Variants in FYB2 observed in about 807,000 individuals in gnomAD.
The protein encoded by FYB2 is FYN binding protein 2.
In FYB2, 103 loss-of-function variants were observed where a neutral mutation model predicts 94.1. The observed-to-expected ratio is 1.09, with a 90% CI of 0.93 to 1.29. The LOEUF is 1.29. Ranked by LOEUF, FYB2 falls within the 50% of genes most tolerant of loss-of-function variation. The pLI, the probability that FYB2 is intolerant of heterozygous loss-of-function variation, is 0.00. For synonymous variants in FYB2, 293 were observed against 287.9 expected, an observed-to-expected ratio of 1.02 and a Z score of -0.18; for missense variants, 896 against 841.5, an observed-to-expected ratio of 1.06 and a Z score of -0.80.
At chr1:56,775,746 T>C (rs1244141875) in intron 4 of FYB2, among the ~76,000 whole-genome samples, 1 of 152,106 alleles carries the variant, frequency 6.6e-6, no homozygotes, top group Non-Finnish European at 1.5e-5. Flanking sequence ...CACACCGTAA[T>C]GGAAGTCATC....
rs1198584886 is a variant in FYB2, at chr1:56,741,130, C to T, written c.1605-335G>A. On this transcript the variant is annotated intron_variant, in intron 12 of 19. Coordinates refer to ENST00000343433, the MANE Select transcript of FYB2 (RefSeq NM_001004303.5). ...CTGAGTCCATAAAAAAAATAAAGAA[C>T]CAGAGGCTTTGTTTTCATGTCCAAA... Among the ~76,000 whole-genome samples, 12 of 152,080 alleles carry T rather than the reference C, an allele frequency of 7.9e-5. No individual in the cohort carries two copies. The East Asian group carries it at 1.6e-3, about 20-fold the overall frequency.
chr1:56,747,200 A>G (rs115337304), intron 9 of FYB2, among the ~76,000 whole-genome samples: 3,346 of 151,998 alleles, frequency 0.022, 127 homozygotes, highest in African/African-American at 0.077. Flanking sequence ...CGGTATATGT[A>G]AATAATGGAA....
At chr1:56,742,086 C>G in intron 12 of FYB2, 75 bp downstream of exon 12, 1 of 1,335,322 alleles carries the variant, frequency 7.5e-7, no homozygotes, top group Non-Finnish European at 1.1e-6. Context: ...GATGGTGGGT[C>G]CTCACTGAAA....
At chr1:56,729,528 T>C (rs2100526404) in intron 15 of FYB2, among the ~76,000 whole-genome samples, 1 of 152,116 alleles carries the variant, frequency 6.6e-6, no homozygotes, top group South Asian at 2.1e-4. Flanking sequence ...ATAAAGCAAA[T>C]ATTATTAGGT....
intron 9 of FYB2, among the ~76,000 whole-genome samples, chr1:56,747,578 G>A (rs1645098147): frequency 6.6e-6 from 1 of 152,016 alleles, no homozygotes; most frequent in South Asian, 2.1e-4. Flanking sequence ...CCTTGCAAAG[G>A]ACATGAACTC....
rs577341471 is a variant in FYB2 at position 56,811,120 on chromosome 1, G to A, written c.9+8162C>T. Among the ~76,000 whole-genome samples, 45 of 152,222 alleles carry A rather than the reference G, an allele frequency of 3.0e-4. No individual in the cohort carries two copies. In the South Asian group the frequency reaches 3.7e-3, roughly 13 times the overall value. On this transcript the variant is annotated intron_variant, in intron 1 of 19. Transcript: ENST00000343433. Reference sequence around the variant, plus strand: ...TCATAGATGCTCTAGGGGAGGGACCGTCATCAGGCAGGTAGAATCAGAGAG... The same window carrying A: ...TCATAGATGCTCTAGGGGAGGGACCATCATCAGGCAGGTAGAATCAGAGAG...
intron 1 of FYB2, among the ~76,000 whole-genome samples, chr1:56,811,098 T>C: frequency 6.6e-6 from 1 of 152,130 alleles, no homozygotes; most frequent in East Asian, 1.9e-4. Flanking sequence ...TATTAAATCA[T>C]AGATGCTCTA....
At chr1:56,723,726 CTT>C (rs754423746) in intron 16 of FYB2, 45 bp from the exon 17 acceptor site, 4 of 1,152,472 alleles carry the variant, frequency 3.5e-6, no homozygotes, top group Non-Finnish European at 5.0e-6. Context: ...TATAATAAAA[CTT>C]TTTAAGTTTC....
chr1:56,776,033 C>T (rs1409123401), intron 4 of FYB2, among the ~76,000 whole-genome samples: 1 of 152,098 alleles, frequency 6.6e-6, no homozygotes, highest in Non-Finnish European at 1.5e-5. Context: ...AGTAACTTGC[C>T]CAAGATAGCA....
intron 5 of FYB2, among the ~76,000 whole-genome samples, chr1:56,760,278 G>A (rs982951651): frequency 1.3e-5 from 2 of 152,078 alleles, no homozygotes; most frequent in African/African-American, 4.8e-5. Context: ...TGCTGCTAAA[G>A]TCCTGAAGCT....
chr1:56,758,349 T>C (rs910465276), intron 6 of FYB2, among the ~76,000 whole-genome samples: 7 of 148,984 alleles, frequency 4.7e-5, no homozygotes, highest in South Asian at 2.1e-4. Context: ...CCTGACACCA[T>C]GTCTAGCAGG....
upstream of FYB2, among the ~76,000 whole-genome samples, chr1:56,820,825 C>T (rs1181004553): frequency 6.6e-6 from 1 of 152,206 alleles, no homozygotes; most frequent in East Asian, 1.9e-4. Context: ...TTCCTCAACA[C>T]ACATACACAT....
chr1:56,744,114 T>C, intron 10 of FYB2, 38 bp downstream of exon 10: 18 of 1,612,048 alleles, frequency 1.1e-5, no homozygotes, highest in Non-Finnish European at 1.4e-5. Flanking sequence ...TAAAGTCTCA[T>C]CACATTCATC....
At chr1:56,764,062 T>C (rs1220187562) in intron 5 of FYB2, among the ~76,000 whole-genome samples, 2 of 152,054 alleles carry the variant, frequency 1.3e-5, no homozygotes, top group Non-Finnish European at 2.9e-5. Context: ...GAGGTTCTCC[T>C]GCCTCAGCCT....
intron 15 of FYB2, among the ~76,000 whole-genome samples, chr1:56,733,424 C>G (rs1644757134): frequency 6.6e-6 from 1 of 152,050 alleles, no homozygotes; most frequent in African/African-American, 2.4e-5. Flanking sequence ...TTGTGTGTCT[C>G]TATCTCCTTC....
At chr1:56,778,572 T>C (rs1645936339) in intron 4 of FYB2, among the ~76,000 whole-genome samples, 2 of 152,180 alleles carry the variant, frequency 1.3e-5, no homozygotes, top group Non-Finnish European at 2.9e-5. Flanking sequence ...GGTACTGTTC[T>C]AGAATATAAA....
intron 5 of FYB2, among the ~76,000 whole-genome samples, chr1:56,759,270 A>T (rs1277867742): frequency 6.6e-6 from 1 of 152,152 alleles, no homozygotes; most frequent in East Asian, 1.9e-4. Context: ...CATGATGCCA[A>T]TCTTAATTAC....
intron 4 of FYB2, among the ~76,000 whole-genome samples, chr1:56,785,311 C>T (rs1646108461): frequency 6.6e-6 from 1 of 152,228 alleles, no homozygotes; most frequent in Non-Finnish European, 1.5e-5. Context: ...CTGAGATGCT[C>T]ACAATATGAA....
In FYB2 at chr1:56,792,223, T is replaced by G; in HGVS notation, c.590A>C (p.Gln197Pro). The G allele has an allele frequency of 6.2e-7, 1 of 1,613,832 alleles. No homozygotes were observed. The highest frequency in any genetic ancestry group is 8.5e-7 in the Non-Finnish European group (1 of 1,179,916). The change falls in exon 2 of 20, where the codon CAG becomes CCG. Residue 197 changes from glutamine (Q) to proline (P), a missense_variant. Physicochemically the swap from Gln to Pro is moderately conservative, Grantham distance 76. Coordinates refer to ENST00000343433, the MANE Select transcript of FYB2 (RefSeq NM_001004303.5). ...TATTTTGGGGGCCACCACGTGCTTCTGGGAAGGAAGAGTCTGGGCTCCTTT... is the reference window on the plus strand; with the variant it reads ...TATTTTGGGGGCCACCACGTGCTTCGGGGAAGGAAGAGTCTGGGCTCCTTT... ...ETKGAQTLPS[Q>P]KHVVAPKILH... is the part of the protein sequence containing the mutation.
Sources: gnomAD v4.1 joint callset for allele counts (sites outside exome capture counted in the v4.1 genomes callset) on GRCh38, gnomAD v4.1.1 for gene constraint, MANE v1.5 for transcripts, NCBI Gene and HGNC (gene_info 2026-07-23, HGNC 2026-07-21) for gene names.